The following GNPTAB variants were observed in gnomAD, a reference collection of about 807,000 sequenced individuals.
GNPTAB encodes the protein N-acetylglucosamine-1-phosphotransferase subunits alpha/beta.
GNPTAB carries 92 observed loss-of-function variants against 136.6 expected under a neutral mutation model. That is an observed-to-expected ratio of 0.67 (90% CI 0.57 to 0.80). GNPTAB has a LOEUF of 0.80. Among genes scored for constraint, GNPTAB ranks in the 30% least tolerant of loss-of-function variants. The probability of loss-of-function intolerance (pLI) is 0.00; values close to 1 mark genes in which losing one functional copy is unlikely to be tolerated. For synonymous variants in GNPTAB, 512 were observed against 535.1 expected (o/e 0.96, Z 0.60); for missense variants, 1,343 against 1,501.8 (o/e 0.89, Z 1.75).
chr12:101,760,091 G>C lies in GNPTAB; in HGVS notation c.3188C>G (p.Ala1063Gly). 1 of 1,613,670 alleles carries C rather than the reference G, an allele frequency of 6.2e-7. No individual in the cohort carries two copies. Among genetic ancestry groups the C allele is most frequent in the Non-Finnish European group, 8.5e-7 (1 of 1,179,602 alleles). ...MLINCSKMLP[A>G]DITQLNNIPP... ...AATATTATTTAGCTGCGTGATATCA[G>C]CAGGAAGCATTTTTGAGCAATTTAT... Residue 1063 changes from alanine (A) to glycine (G), a missense_variant, in exon 16 of 21, where the codon GCT becomes GGT. Physicochemically the swap from Ala to Gly is moderately conservative, Grantham distance 60 (BLOSUM62 0). Coordinates refer to ENST00000299314, the MANE Select transcript of GNPTAB (RefSeq NM_024312.5).
rs991317638 is a variant in GNPTAB at position 101,787,478 on chromosome 12, T to C, written c.365+1070A>G. 3.3e-5 allele frequency among the ~76,000 whole-genome samples: 5 copies of C among 152,206 alleles called. No homozygotes were observed. In the South Asian group the frequency reaches 1.0e-3, roughly 32 times the overall value. On this transcript the variant is annotated intron_variant, in intron 4 of 20. Transcript: ENST00000299314. ...AAGATTTATAAAATTTTGTGAGTTT[T>C]TGCTTTTCACTTTCCTCTCAATCTT... is the stretch of plus-strand genomic sequence containing the variant.
intron 5 of GNPTAB, 21 bp downstream of exon 5, chr12:101,785,991 A>T: frequency 6.6e-7 from 1 of 1,513,080 alleles, no homozygotes; most frequent in South Asian, 1.1e-5. Flanking sequence ...TGATTTTAAA[A>T]TATCCATAAA....
At chr12:101,827,438 T>C (rs970828412) in intron 1 of GNPTAB, among the ~76,000 whole-genome samples, 4 of 152,006 alleles carry the variant, frequency 2.6e-5, no homozygotes, top group Non-Finnish European at 4.4e-5. Context: ...AGGGTCTCCT[T>C]TGTTTCCCAG....
At chr12:101,769,954 T>C in intron 10 of GNPTAB, 67 bp downstream of exon 10, 1 of 1,389,816 alleles carries the variant, frequency 7.2e-7, no homozygotes, top group Non-Finnish European at 1.0e-6. Context: ...CAGTAGTATG[T>C]GCACTCATTT....
chr12:101,757,040 G>A, intron 18 of GNPTAB, 172 bp downstream of exon 18: 2 of 574,854 alleles, frequency 3.5e-6, no homozygotes, highest in African/African-American at 3.7e-5. Context: ...TCTGCATGGG[G>A]GACCCTATCT....
At chr12:101,825,268 G>A (rs1594265424) in intron 1 of GNPTAB, among the ~76,000 whole-genome samples, 1 of 152,114 alleles carries the variant, frequency 6.6e-6, no homozygotes, top group Admixed American at 6.5e-5. Flanking sequence ...ATATTCTGAC[G>A]ACAGCATCTT....
intron 18 of GNPTAB, chr12:101,756,927 C>G (rs1952908943): frequency 3.2e-6 from 1 of 312,726 alleles, no homozygotes. Context: ...CTAGAATGTC[C>G]CAGCTGCCTG....
At chr12:101,757,357 T>A in intron 17 of GNPTAB, 47 bp from the exon 18 acceptor site, 1 of 1,131,244 alleles carries the variant, frequency 8.8e-7, no homozygotes, top group Non-Finnish European at 1.3e-6. Context: ...TACATGGATA[T>A]AAAAAATAAA....
chr12:101,780,331 C>T (rs747655752), intron 6 of GNPTAB, 45 bp from the exon 7 acceptor site: 1 of 1,603,030 alleles, frequency 6.2e-7, no homozygotes, highest in Non-Finnish European at 8.5e-7. Flanking sequence ...CATCATGAGG[C>T]TGGTGAAAAC....
In GNPTAB at chr12:101,780,388, C is replaced by G. The variant is rs529376093; in HGVS notation, c.637-102G>C. ...AAGATCTATTGCATCACAACACAAGCTTCAAAATATGATTTTTAGGATTAC... is the reference window on the plus strand; with the variant it reads ...AAGATCTATTGCATCACAACACAAGGTTCAAAATATGATTTTTAGGATTAC... On this transcript the variant is annotated intron_variant, in intron 6 of 20. Coordinates refer to ENST00000299314, the MANE Select transcript of GNPTAB (RefSeq NM_024312.5). 189 of 1,292,852 alleles carry G rather than the reference C, an allele frequency of 1.5e-4. 1 individual carries two copies. The South Asian group carries it at 1.5e-3, about 10-fold the overall frequency. The allele number at this position is 1,292,852 out of a possible 1,614,324, so 80.1% of individuals were successfully genotyped here.
chr12:101,781,196 G>A (rs1041948048), intron 5 of GNPTAB, among the ~76,000 whole-genome samples: 2 of 152,138 alleles, frequency 1.3e-5, no homozygotes, highest in African/African-American at 2.4e-5. Flanking sequence ...AACTGGGAGA[G>A]AGTTAGTGAT....
intron 1 of GNPTAB, among the ~76,000 whole-genome samples, chr12:101,825,905 C>A (rs1354956293): frequency 6.6e-6 from 1 of 152,142 alleles, no homozygotes; most frequent in Non-Finnish European, 1.5e-5. Context: ...GTTTGGGAAC[C>A]ACTGAGGATC....
chr12:101,770,681 G>T, intron 8 of GNPTAB, 96 bp from the exon 9 acceptor site: 1 of 875,136 alleles, frequency 1.1e-6, no homozygotes, highest in Non-Finnish European at 1.9e-6. Flanking sequence ...CTCTCAAGGT[G>T]CTCTGGCAGA....
At chr12:101,793,638 C>A (rs1869119605) in intron 2 of GNPTAB, among the ~76,000 whole-genome samples, 1 of 152,150 alleles carries the variant, frequency 6.6e-6, no homozygotes, top group Admixed American at 6.5e-5. Context: ...AGAAGGAATG[C>A]ATTATCTTGG....
At position 101,764,902 on chromosome 12, in the gene GNPTAB, T is replaced by C. The variant is rs755571443; in HGVS notation, c.2015A>G (p.Glu672Gly). 4 of 1,614,192 alleles carry C rather than the reference T, an allele frequency of 2.5e-6. No homozygotes were observed. Among genetic ancestry groups the C allele is most frequent in the Non-Finnish European group, 3.4e-6 (4 of 1,180,020 alleles). The change falls in exon 13 of 21, where the codon GAA (glutamate) becomes GGA (glycine). Residue 672 changes from glutamate (E) to glycine (G), a missense_variant. Transcript: ENST00000299314. Reference protein sequence around the residue: ...AEILFEDIPKEKRFPKFKRHD... With the variant: ...AEILFEDIPKGKRFPKFKRHD... Reference sequence around the variant, plus strand: ...TCTCTTAAACTTCGGGAAGCGTTTTTCTTTGGGAATATCCTCAAAAAGGAT... The same window carrying C: ...TCTCTTAAACTTCGGGAAGCGTTTTCCTTTGGGAATATCCTCAAAAAGGAT...
Position 101,780,297 on chromosome 12 carries a change from G to T in GNPTAB, c.637-11C>A. ...TTCTTTATCTGTTGTCTAAAATAAG[G>T]GGAAAAACATAACTCATTTTCCACA... On this transcript the variant is annotated splice_polypyrimidine_tract_variant and intron_variant, in intron 6 of 20. Coordinates refer to ENST00000299314, the MANE Select transcript of GNPTAB (RefSeq NM_024312.5). The T allele has an allele frequency of 3.1e-6, 5 of 1,613,602 alleles. No individual in the cohort carries two copies. The highest frequency in any genetic ancestry group is 4.2e-6 in the Non-Finnish European group (5 of 1,179,698).
chr12:101,794,673 A>G (rs1332346981), intron 2 of GNPTAB, among the ~76,000 whole-genome samples: 2 of 152,348 alleles, frequency 1.3e-5, no homozygotes, highest in Admixed American at 1.3e-4. Context: ...ACTATATTTT[A>G]ATGCAACCTT....
At position 101,797,066 on chromosome 12, in the gene GNPTAB, A is replaced by C. The variant is rs540240197; in HGVS notation, c.118-304T>G. Among the ~76,000 whole-genome samples, 3 of 152,318 alleles carry C rather than the reference A, an allele frequency of 2.0e-5. No individual in the cohort carries two copies. In the South Asian group the frequency reaches 6.2e-4, roughly 32 times the overall value. On this transcript the variant is annotated intron_variant, in intron 1 of 20. Transcript: ENST00000299314. ...AAGAATGAGTTCACCAGGTAGGGAA[A>C]AAAGGACAGGGCCAGCCAGTTGGAA...
intron 18 of GNPTAB, among the ~76,000 whole-genome samples, chr12:101,755,856 C>T (rs988125095): frequency 6.6e-6 from 1 of 152,186 alleles, no homozygotes; most frequent in Non-Finnish European, 1.5e-5. Flanking sequence ...TTACTAAACC[C>T]CTGTCCCTTT....
Sources: allele counts gnomAD v4.1 joint callset (sites outside exome capture counted in the v4.1 genomes callset), GRCh38; gene constraint gnomAD v4.1.1; transcripts MANE v1.5; gene names NCBI Gene and HGNC (gene_info 2026-07-23, HGNC 2026-07-21).